SFMBT2: variants seen among roughly 807,000 people sequenced by gnomAD.
SFMBT2 encodes scm-like with four MBT domains protein 2.
SFMBT2 carries 38 observed loss-of-function variants against 110.1 expected under a neutral mutation model. The ratio of observed to expected loss-of-function variants is 0.35; its 90% CI spans 0.27 to 0.45. The LOEUF is 0.45. SFMBT2 is among the 20% of genes least tolerant of loss of function. The pLI is 1.00. For synonymous variants in SFMBT2, 425 were observed against 425.4 expected (o/e 1.00, Z 0.01); for missense variants, 1,011 against 1,094.9 (o/e 0.92, Z 1.08).
rs144118264 is a variant in SFMBT2 at position 7,290,984 on chromosome 10, C to T, written c.437-5030G>A. ...TGCACATCCACATAGAGTCCAAAGC[C>T]GGGTCACCTCTCAGGGACGTGACCT... On this transcript the variant is annotated intron_variant, in intron 4 of 20. Transcript: ENST00000397167. Among the ~76,000 whole-genome samples the T allele has an allele frequency of 1.1e-4, 17 of 152,296 alleles. No individual in the cohort carries two copies. The East Asian group carries it at 2.9e-3, about 26-fold the overall frequency.
chr10:7,409,603 C>A (rs548025038), intron 1 of SFMBT2, among the ~76,000 whole-genome samples: 1 of 152,014 alleles, frequency 6.6e-6, no homozygotes, highest in Non-Finnish European at 1.5e-5. Flanking sequence ...CCATCCCTTT[C>A]CCCCCTAGCA....
intron 4 of SFMBT2, among the ~76,000 whole-genome samples, chr10:7,328,022 A>G (rs1843449401): frequency 6.6e-6 from 1 of 152,212 alleles, no homozygotes; most frequent in Admixed American, 6.5e-5. Context: ...GTGTATGTTT[A>G]AAGTTGTAAG....
At chr10:7,401,700 CCT>C (rs1323590668) in intron 1 of SFMBT2, among the ~76,000 whole-genome samples, 2 of 152,154 alleles carry the variant, frequency 1.3e-5, no homozygotes, top group Admixed American at 1.3e-4. Flanking sequence ...TCCAAAGACT[CCT>C]CTTTCCCACT....
chr10:7,313,616 C>T (rs1165053359), intron 4 of SFMBT2, among the ~76,000 whole-genome samples: 1 of 152,108 alleles, frequency 6.6e-6, no homozygotes, highest in Non-Finnish European at 1.5e-5. Context: ...GCCAAACAAA[C>T]GATTGGGGTT....
chr10:7,290,080 G>A (rs1842217828), intron 4 of SFMBT2, among the ~76,000 whole-genome samples: 1 of 152,000 alleles, frequency 6.6e-6, no homozygotes, highest in South Asian at 2.1e-4. Context: ...GAAACATCAG[G>A]AAACTCAAAA....
intron 11 of SFMBT2, chr10:7,214,483 A>T: frequency 1.2e-6 from 1 of 861,660 alleles, no homozygotes; most frequent in Non-Finnish European, 1.4e-6. Flanking sequence ...CGCATTTCTT[A>T]AGATGGGCAA....
intron 4 of SFMBT2, chr10:7,287,251 T>C (rs1588419509): frequency 6.5e-6 from 1 of 153,328 alleles, no homozygotes; most frequent in East Asian, 1.9e-4. Context: ...GGCTAATTTT[T>C]TGTATTTTTA....
chr10:7,343,674 CATGTGT>C (rs2131990310), intron 4 of SFMBT2, among the ~76,000 whole-genome samples: 1 of 152,244 alleles, frequency 6.6e-6, no homozygotes, highest in East Asian at 1.9e-4. Context: ...GCTTGTTGGC[CATGTGT>C]ATGTTTTCTT....
chr10:7,300,955 T>G (rs1230533229), intron 4 of SFMBT2, among the ~76,000 whole-genome samples: 1 of 152,214 alleles, frequency 6.6e-6, no homozygotes, highest in African/African-American at 2.4e-5. Flanking sequence ...TTTTCCTTTG[T>G]GTCGTACAAA....
chr10:7,340,019 C>T (rs920344025), intron 4 of SFMBT2, among the ~76,000 whole-genome samples: 9 of 152,112 alleles, frequency 5.9e-5, no homozygotes, highest in Non-Finnish European at 7.4e-5. Context: ...ACAGGTCTGA[C>T]GGGGCATGAG....
At chr10:7,164,609 G>C (rs957302947) in intron 20 of SFMBT2, among the ~76,000 whole-genome samples, 5 of 152,106 alleles carry the variant, frequency 3.3e-5, no homozygotes, top group South Asian at 4.1e-4. Context: ...CTTCATCTGA[G>C]CACTAAGCAA....
rs764124316 is a variant in SFMBT2, at chr10:7,172,014, C to T, written c.2296G>A (p.Gly766Ser). ...GGTGGCCGGCGCACGGGCTCTGAGC[C>T]GCTCCGCAGGGTGACGGCCCTCCGG... ...RPRRAVTLRS[G>S]SEPVRRPPPE... Residue 766 changes from glycine (G) to serine (S), a missense_variant, in exon 19 of 21, where the codon GGC (glycine) becomes AGC (serine). Physicochemically the swap from Gly to Ser is moderately conservative, Grantham distance 56. Around this residue, in one of 2 missense-constraint regions of SFMBT2, gnomAD observed 979 missense variants for 1,016.1 expected, o/e 0.96. Coordinates refer to ENST00000397167, the MANE Select transcript of SFMBT2 (RefSeq NM_001387889.1). The surrounding 1 kb of genome is among the most constrained non-coding windows in gnomAD (Gnocchi z 4.6). 35 of 1,575,602 alleles carry T rather than the reference C, an allele frequency of 2.2e-5. No individual in the cohort carries two copies. The highest frequency in any genetic ancestry group is 1.6e-4 in the Admixed American group (9 of 55,594).
chr10:7,270,651 C>T (rs1404635740), intron 7 of SFMBT2, among the ~76,000 whole-genome samples: 1 of 152,208 alleles, frequency 6.6e-6, no homozygotes, highest in East Asian at 1.9e-4. Flanking sequence ...TATTCAGTAT[C>T]TGCTCTTAAA....
At chr10:7,269,272 A>C (rs1841495944) in intron 7 of SFMBT2, among the ~76,000 whole-genome samples, 1 of 152,196 alleles carries the variant, frequency 6.6e-6, no homozygotes, top group African/African-American at 2.4e-5. Context: ...TAGAAATAAT[A>C]ATCATGAGCT....
chr10:7,206,833 A>G, intron 11 of SFMBT2: 1 of 975,288 alleles, frequency 1.0e-6, no homozygotes. Context: ...ACTTTGAACC[A>G]GGAATCAAGA....
At chr10:7,383,676 A>C (rs887870761) in intron 1 of SFMBT2, among the ~76,000 whole-genome samples, 4 of 152,200 alleles carry the variant, frequency 2.6e-5, no homozygotes, top group Admixed American at 6.5e-5. Context: ...TTCTTGACTA[A>C]GCCAAGGGAA....
At chr10:7,264,364 C>T (rs1356935522) in intron 7 of SFMBT2, among the ~76,000 whole-genome samples, 1 of 152,118 alleles carries the variant, frequency 6.6e-6, no homozygotes, top group African/African-American at 2.4e-5. Context: ...AATCTCGATA[C>T]TTATGTCAAA....
rs568908537 is a variant in SFMBT2, at chr10:7,268,533, CAG to C, written c.870+8357_870+8358del. 5.1e-3 allele frequency among the ~76,000 whole-genome samples: 772 copies of C among 150,782 alleles called. 5 individuals are homozygous for C. The highest frequency in any genetic ancestry group is 0.017 in the African/African-American group (716 of 41,118). ...TTATCTAATTTTTTTTTTTTTGAGA[CAG>C]AGTCTCGCTCTGTCGCCCAGGCTGG... is the stretch of plus-strand genomic sequence containing the variant. On this transcript the variant is annotated intron_variant, in intron 7 of 20. Coordinates refer to ENST00000397167, the MANE Select transcript of SFMBT2 (RefSeq NM_001387889.1).
chr10:7,261,527 C>T (rs1841204025), intron 7 of SFMBT2, among the ~76,000 whole-genome samples: 1 of 152,192 alleles, frequency 6.6e-6, no homozygotes, highest in Non-Finnish European at 1.5e-5. Context: ...GTTCTGATCC[C>T]TTTGCCGGGT....
Sources: allele counts gnomAD v4.1 joint callset (sites outside exome capture counted in the v4.1 genomes callset), GRCh38; gene constraint gnomAD v4.1.1; regional missense constraint gnomAD v4.1.1; non-coding constraint Gnocchi (gnomAD v3.1); transcripts MANE v1.5; gene names NCBI Gene and HGNC (gene_info 2026-07-23, HGNC 2026-07-21).